EPS8: variants seen among roughly 807,000 people sequenced by gnomAD.
EPS8 encodes the protein EGFR pathway substrate 8, signaling adaptor.
EPS8 carries 42 observed loss-of-function variants against 103.8 expected under a neutral mutation model. The ratio of observed to expected loss-of-function variants is 0.40; its 90% confidence interval spans 0.32 to 0.52. EPS8 has a LOEUF of 0.52. Ranked by LOEUF, EPS8 falls within the 20% of genes least tolerant of loss-of-function variation. The probability of loss-of-function intolerance (pLI) is 0.40; values close to 1 mark genes in which losing one functional copy is unlikely to be tolerated. For synonymous variants in EPS8, 344 were observed against 344.6 expected (o/e 1.00, Z 0.02); for missense variants, 969 against 1,005.1 (o/e 0.96, Z 0.49).
At chr12:15,763,775 T>A (rs1180094686) in intron 1 of EPS8, among the ~76,000 whole-genome samples, 1 of 152,150 alleles carries the variant, frequency 6.6e-6, no homozygotes, top group African/African-American at 2.4e-5. Context: ...ACTCTAGACA[T>A]CAAAATCACA....
At chr12:15,652,934 T>C (rs73311039) in intron 13 of EPS8, among the ~76,000 whole-genome samples, 13,043 of 152,248 alleles carry the variant, frequency 0.086, 1,287 homozygotes, top group African/African-American at 0.25. Flanking sequence ...AAGTGATTTA[T>C]TCTAAGTGGT....
chr12:15,627,733 G>A (rs543081145), intron 18 of EPS8, among the ~76,000 whole-genome samples: 2 of 152,264 alleles, frequency 1.3e-5, no homozygotes, highest in African/African-American at 2.4e-5. Flanking sequence ...TGAACATACT[G>A]TCATGACAAA....
At chr12:15,724,242 T>G (rs1265604059) in intron 1 of EPS8, among the ~76,000 whole-genome samples, 2 of 152,142 alleles carry the variant, frequency 1.3e-5, no homozygotes, top group East Asian at 3.8e-4. Flanking sequence ...TAGGTAAACA[T>G]GAGACTTAGA....
chr12:15,757,399 G>A lies in EPS8; in HGVS notation c.-22+31762C>T, dbSNP rs907713213. Among the ~76,000 whole-genome samples, 1 of 152,174 alleles carries A rather than the reference G, an allele frequency of 6.6e-6. No individual in the cohort carries two copies. The highest frequency in any genetic ancestry group is 1.5e-5 in the Non-Finnish European group (1 of 68,040). On this transcript the variant is annotated intron_variant, in intron 1 of 20. Transcript: ENST00000281172. The surrounding 1 kb of genome is among the most constrained non-coding windows in gnomAD (Gnocchi z 4.1). ...GAATCCCAGAACTTTGGGAGGCTGA[G>A]GTGGGCAGATCACAAAGTCAGGAGA...
At position 15,728,646 on chromosome 12, in the gene EPS8, A is replaced by G. The variant is rs980755175; in HGVS notation, c.-21-45674T>C. 2.6e-5 allele frequency among the ~76,000 whole-genome samples: 4 copies of G among 152,206 alleles called. No individual in the cohort carries two copies. Among genetic ancestry groups the G allele is most frequent in the Non-Finnish European group, 5.9e-5 (4 of 68,026 alleles). On this transcript the variant is annotated intron_variant, in intron 1 of 20. Coordinates refer to ENST00000281172, the MANE Select transcript of EPS8 (RefSeq NM_004447.6). This position sits in a 1 kb window ranked among gnomAD's most constrained non-coding sequence, Gnocchi z 4.5. ...AAGGCCTAAAATCACAGATTTTACTATTTACATTTCAGTGAAATATTTATG... is the reference window on the plus strand; with the variant it reads ...AAGGCCTAAAATCACAGATTTTACTGTTTACATTTCAGTGAAATATTTATG...
chr12:15,653,101 A>G (rs1410188428), intron 13 of EPS8, among the ~76,000 whole-genome samples: 2 of 152,210 alleles, frequency 1.3e-5, no homozygotes, highest in Non-Finnish European at 2.9e-5. Context: ...TGACAAATGC[A>G]CATTTCTTAA....
At chr12:15,639,583 C>T (rs1192600498) in intron 17 of EPS8, among the ~76,000 whole-genome samples, 1 of 152,006 alleles carries the variant, frequency 6.6e-6, no homozygotes, top group Non-Finnish European at 1.5e-5. Flanking sequence ...GATAGAGAAA[C>T]TATACACAAA....
At chr12:15,653,552 G>A (rs1228083114) in intron 13 of EPS8, among the ~76,000 whole-genome samples, 1 of 151,964 alleles carries the variant, frequency 6.6e-6, no homozygotes, top group African/African-American at 2.4e-5. Flanking sequence ...TCTCTACCTG[G>A]ACAGGCCCTT....
chr12:15,742,076 G>A (rs1222776672), intron 1 of EPS8, among the ~76,000 whole-genome samples: 1 of 152,162 alleles, frequency 6.6e-6, no homozygotes, highest in Non-Finnish European at 1.5e-5. Context: ...GTATTCCATG[G>A]TGTATATGTG....
In EPS8 at chr12:15,738,279, G is replaced by C. The variant is rs1390522251; in HGVS notation, c.-22+50882C>G. 1.3e-5 allele frequency among the ~76,000 whole-genome samples: 2 copies of C among 152,030 alleles called. No homozygotes were observed. Among genetic ancestry groups the C allele is most frequent in the Non-Finnish European group, 2.9e-5 (2 of 67,994 alleles). Reference sequence around the variant, plus strand: ...TCATTTAGAAACACACCCACCCTGAGTGGCTAAGAAACCCTTTTGCACATT... The same window carrying C: ...TCATTTAGAAACACACCCACCCTGACTGGCTAAGAAACCCTTTTGCACATT... On this transcript the variant is annotated intron_variant, in intron 1 of 20. Transcript: ENST00000281172. The surrounding 1 kb of genome is among the most constrained non-coding windows in gnomAD (Gnocchi z 6.2).
rs779297902 is a variant in EPS8, at chr12:15,747,045, C to T, written c.-22+42116G>A. Among the ~76,000 whole-genome samples the T allele has an allele frequency of 2.6e-5, 4 of 152,140 alleles. No homozygotes were observed. Among genetic ancestry groups the T allele is most frequent in the African/African-American group, 9.7e-5 (4 of 41,428 alleles). On this transcript the variant is annotated intron_variant, in intron 1 of 20. Transcript: ENST00000281172. This position sits in a 1 kb window ranked among gnomAD's most constrained non-coding sequence, Gnocchi z 4.4. ...ATTTTTAAATCCTCAACAGTCAATACATATTTTGTACGCAGGAAGTGTTCA... is the reference window on the plus strand; with the variant it reads ...ATTTTTAAATCCTCAACAGTCAATATATATTTTGTACGCAGGAAGTGTTCA...
intron 1 of EPS8, among the ~76,000 whole-genome samples, chr12:15,756,094 T>C (rs1946983657): frequency 1.3e-5 from 2 of 152,230 alleles, no homozygotes; most frequent in Admixed American, 6.5e-5. Context: ...ACTAAACTGT[T>C]GATTGATTTA....
chr12:15,788,941 G>C (rs1947339116), intron 1 of EPS8, among the ~76,000 whole-genome samples: 2 of 152,074 alleles, frequency 1.3e-5, no homozygotes, highest in African/African-American at 4.8e-5. Flanking sequence ...GGGTCTGCAC[G>C]GGCCCCACAG....
rs1946647836 is a variant in EPS8, at chr12:15,725,921, T to G, written c.-21-42949A>C. Among the ~76,000 whole-genome samples the G allele has an allele frequency of 6.6e-6, 1 of 152,182 alleles. No homozygotes were observed. The highest frequency in any genetic ancestry group is 2.4e-5 in the African/African-American group (1 of 41,460). On this transcript the variant is annotated intron_variant, in intron 1 of 20. Coordinates refer to ENST00000281172, the MANE Select transcript of EPS8 (RefSeq NM_004447.6). This position sits in a 1 kb window ranked among gnomAD's most constrained non-coding sequence, Gnocchi z 4.5. ...TTTCTCTGTTTTACAAATACAGGTA[T>G]AGATACACATATTAAAAGTGTACAC...
rs747176249 is a variant in EPS8 at position 15,721,429 on chromosome 12, A to G, written c.-21-38457T>C. Among the ~76,000 whole-genome samples, 2 of 152,190 alleles carry G rather than the reference A, an allele frequency of 1.3e-5. No individual in the cohort carries two copies. The highest frequency in any genetic ancestry group is 6.5e-5 in the Admixed American group (1 of 15,276). On this transcript the variant is annotated intron_variant, in intron 1 of 20. Transcript: ENST00000281172. The surrounding 1 kb of genome is among the most constrained non-coding windows in gnomAD (Gnocchi z 4.4). ...AGGGAAAGAAAGCAATACTGGAAAA[A>G]CTACATAATACTCAGCTAAAAGAAC... is the stretch of plus-strand genomic sequence containing the variant.
At chr12:15,653,993 T>A in intron 13 of EPS8, 152 bp downstream of exon 13, 1 of 681,744 alleles carries the variant, frequency 1.5e-6, no homozygotes, top group Non-Finnish European at 2.5e-6. Context: ...CACTTCTATC[T>A]CTTCCACTAG....
intron 17 of EPS8, among the ~76,000 whole-genome samples, chr12:15,633,140 T>C (rs1045487189): frequency 2.0e-5 from 3 of 152,076 alleles, no homozygotes; most frequent in African/African-American, 7.2e-5. Context: ...CATTCAAGGC[T>C]TAGAAATATT....
In EPS8 at chr12:15,733,716, C is replaced by A. The variant is rs1946740896; in HGVS notation, c.-21-50744G>T. On this transcript the variant is annotated intron_variant, in intron 1 of 20. Transcript: ENST00000281172. This position sits in a 1 kb window ranked among gnomAD's most constrained non-coding sequence, Gnocchi z 4.8. ...ATGGAGATAGAAGAAATATCCATTC[C>A]ATTTTACTAAGCATCATACCACATA... Among the ~76,000 whole-genome samples, 1 of 152,004 alleles carries A rather than the reference C, an allele frequency of 6.6e-6. No individual in the cohort carries two copies. The highest frequency in any genetic ancestry group is 2.1e-4 in the South Asian group (1 of 4,808).
chr12:15,762,463 T>C lies in EPS8; in HGVS notation c.-22+26698A>G, dbSNP rs1053581102. 1.3e-5 allele frequency among the ~76,000 whole-genome samples: 2 copies of C among 152,208 alleles called. No individual in the cohort carries two copies. Among genetic ancestry groups the C allele is most frequent in the Admixed American group, 1.3e-4 (2 of 15,278 alleles). ...AGACCCAAAAGAAAGGAAATCAGTA[T>C]ATCAAAGGGATATCTGCACTCCCAT... is the stretch of plus-strand genomic sequence containing the variant. On this transcript the variant is annotated intron_variant, in intron 1 of 20. Coordinates refer to ENST00000281172, the MANE Select transcript of EPS8 (RefSeq NM_004447.6). The surrounding 1 kb of genome is among the most constrained non-coding windows in gnomAD (Gnocchi z 4.8).
Sources: gnomAD v4.1 joint callset for allele counts (sites outside exome capture counted in the v4.1 genomes callset) on GRCh38, gnomAD v4.1.1 for gene constraint, Gnocchi (gnomAD v3.1) non-coding constraint, MANE v1.5 for transcripts, NCBI Gene and HGNC (gene_info 2026-07-23, HGNC 2026-07-21) for gene names.